DDX10: variants seen among roughly 807,000 people sequenced by gnomAD.
DDX10 encodes DEAD-box helicase 10, also known as probable ATP-dependent RNA helicase DDX10.
DDX10 carries 74 observed loss-of-function variants against 104.3 expected under a neutral mutation model. That is an observed-to-expected ratio of 0.71 (90% confidence interval 0.59 to 0.86). The LOEUF is 0.86. Among genes scored for constraint, DDX10 ranks in the 40% least tolerant of loss-of-function variants. The pLI, the probability that DDX10 is intolerant of heterozygous loss-of-function variation, is 0.00. For missense variants in DDX10, 952 were observed against 1,040.0 expected, an observed-to-expected ratio of 0.92 and a Z score of 1.16; for synonymous variants, 351 against 353.4, an observed-to-expected ratio of 0.99 and a Z score of 0.08.
intron 14 of DDX10, among the ~76,000 whole-genome samples, chr11:108,839,909 C>G (rs1862613623): frequency 6.6e-6 from 1 of 152,160 alleles, no homozygotes; most frequent in Non-Finnish European, 1.5e-5. Flanking sequence ...CTAAGTTTAA[C>G]TGCATAAATT....
At chr11:108,901,297 G>A (rs566380649) in intron 16 of DDX10, among the ~76,000 whole-genome samples, 10 of 152,302 alleles carry the variant, frequency 6.6e-5, no homozygotes, top group South Asian at 2.1e-4. Flanking sequence ...TACTTGTTGC[G>A]TGAATTTTTT....
intron 13 of DDX10, among the ~76,000 whole-genome samples, chr11:108,803,300 CTT>C (rs1401986174): frequency 6.8e-6 from 1 of 147,990 alleles, no homozygotes; most frequent in Non-Finnish European, 1.5e-5. Flanking sequence ...CTTTAAGAAT[CTT>C]TGTTTTTCAG....
chr11:108,869,725 T>C (rs1178547087), intron 16 of DDX10, among the ~76,000 whole-genome samples: 3 of 152,120 alleles, frequency 2.0e-5, no homozygotes. Flanking sequence ...AAATAATGCT[T>C]TCTGCAATGT....
intron 13 of DDX10, among the ~76,000 whole-genome samples, chr11:108,739,984 T>C (rs539561557): frequency 1.3e-5 from 2 of 151,934 alleles, no homozygotes; most frequent in African/African-American, 4.8e-5. Flanking sequence ...ACCTTTTTTT[T>C]TTTTTTTTGA....
At chr11:108,778,275 G>A (rs1181249699) in intron 13 of DDX10, among the ~76,000 whole-genome samples, 49 of 148,154 alleles carry the variant, frequency 3.3e-4, no homozygotes, top group Middle Eastern at 3.4e-3. Flanking sequence ...GAGGCATCAC[G>A]CTACCTGACT....
At chr11:108,790,876 G>A in intron 13 of DDX10, among the ~76,000 whole-genome samples, 1 of 151,912 alleles carries the variant, frequency 6.6e-6, no homozygotes, top group East Asian at 1.9e-4. Flanking sequence ...CAAAAATATA[G>A]ATGAGATCCT....
At chr11:108,893,944 A>T (rs1243330016) in intron 16 of DDX10, among the ~76,000 whole-genome samples, 1 of 152,024 alleles carries the variant, frequency 6.6e-6, no homozygotes, top group Non-Finnish European at 1.5e-5. Context: ...CAAACAAAAT[A>T]TTTTCTTTGA....
intron 17 of DDX10, among the ~76,000 whole-genome samples, chr11:108,926,916 T>C (rs1863916586): frequency 6.6e-6 from 1 of 152,216 alleles, no homozygotes; most frequent in Non-Finnish European, 1.5e-5. Flanking sequence ...ATTTATGATA[T>C]GAATGCAAGA....
At chr11:108,876,944 A>C (rs57014838) in intron 16 of DDX10, among the ~76,000 whole-genome samples, 19,164 of 152,120 alleles carry the variant, frequency 0.13, 1,428 homozygotes, top group East Asian at 0.25. Context: ...CTCCCCTATA[A>C]AGGAGATTCT....
At chr11:108,862,617 A>C (rs1862955827) in intron 16 of DDX10, among the ~76,000 whole-genome samples, 1 of 152,236 alleles carries the variant, frequency 6.6e-6, no homozygotes, top group African/African-American at 2.4e-5. Context: ...TGAGAAAATG[A>C]GCTTTATTTT....
At chr11:108,897,069 C>A (rs1309686715) in intron 16 of DDX10, among the ~76,000 whole-genome samples, 1 of 152,056 alleles carries the variant, frequency 6.6e-6, no homozygotes, top group Non-Finnish European at 1.5e-5. Flanking sequence ...GGCTTTTTAA[C>A]TTCTTTAAAC....
chr11:108,787,369 C>A (rs1161529648), intron 13 of DDX10, among the ~76,000 whole-genome samples: 1 of 151,842 alleles, frequency 6.6e-6, no homozygotes, highest in Non-Finnish European at 1.5e-5. Context: ...TCTGTTTTTT[C>A]TGAATTTATA....
At chr11:108,723,940 G>C (rs955010890) in intron 13 of DDX10, among the ~76,000 whole-genome samples, 2 of 152,034 alleles carry the variant, frequency 1.3e-5, no homozygotes, top group African/African-American at 4.8e-5. Flanking sequence ...TTTTTTAAAG[G>C]CTACTTATGA....
chr11:108,749,633 G>C (rs1214707539), intron 13 of DDX10, among the ~76,000 whole-genome samples: 2 of 152,160 alleles, frequency 1.3e-5, no homozygotes, highest in Non-Finnish European at 2.9e-5. Context: ...TAAGACAGAA[G>C]TTGGATGAAT....
intron 1 of DDX10, among the ~76,000 whole-genome samples, chr11:108,667,295 C>A (rs4369370): frequency 0.12 from 18,554 of 152,118 alleles, 1,530 homozygotes; most frequent in East Asian, 0.27. Flanking sequence ...GGGCTTTGTC[C>A]CCTAGGCCTT....
chr11:108,862,843 A>G (rs1191940862), intron 16 of DDX10, among the ~76,000 whole-genome samples: 1 of 152,196 alleles, frequency 6.6e-6, no homozygotes. Flanking sequence ...TTGAATTGGC[A>G]TTTATTTAGA....
Position 108,792,570 on chromosome 11 carries a change from A to T in DDX10, c.1966-45876A>T, listed in dbSNP as rs544861717. ...CTTTAGAAATAAGTTTATCATATTC[A>T]TATGAATACATTTCTCTTTCTGGAG... is the stretch of plus-strand genomic sequence containing the variant. On this transcript the variant is annotated intron_variant, in intron 13 of 17. Coordinates refer to ENST00000322536, the MANE Select transcript of DDX10 (RefSeq NM_004398.4). Among the ~76,000 whole-genome samples, 10 of 152,308 alleles carry T rather than the reference A, an allele frequency of 6.6e-5. No individual in the cohort carries two copies. In the South Asian group the frequency reaches 1.9e-3, roughly 28 times the overall value.
At chr11:108,676,635 C>T (rs372114579) in intron 3 of DDX10, among the ~76,000 whole-genome samples, 2 of 152,178 alleles carry the variant, frequency 1.3e-5, no homozygotes, top group East Asian at 3.9e-4. Flanking sequence ...TTGGTAAATA[C>T]GGGGTTTCAT....
intron 13 of DDX10, among the ~76,000 whole-genome samples, chr11:108,750,158 A>T (rs1264414556): frequency 3.3e-5 from 5 of 152,196 alleles, no homozygotes; most frequent in Non-Finnish European, 5.9e-5. Flanking sequence ...AAAAGATTTC[A>T]TTTGAGAAAC....
Sources: gnomAD v4.1 joint callset for allele counts (sites outside exome capture counted in the v4.1 genomes callset) on GRCh38, gnomAD v4.1.1 for gene constraint, MANE v1.5 for transcripts, NCBI Gene and HGNC (gene_info 2026-07-23, HGNC 2026-07-21) for gene names.